ADAMTS2: variants seen among roughly 807,000 people sequenced by gnomAD.
The protein encoded by ADAMTS2 is A disintegrin and metalloproteinase with thrombospondin motifs 2.
In ADAMTS2, 50 loss-of-function variants were observed where a neutral mutation model predicts 123.0. The observed-to-expected ratio is 0.41, with a 90% CI of 0.32 to 0.51. ADAMTS2 has a LOEUF of 0.51. Ranked by LOEUF, ADAMTS2 falls within the 20% of genes least tolerant of loss-of-function variation. The pLI, the probability that ADAMTS2 is intolerant of heterozygous loss-of-function variation, is 0.35. For synonymous variants in ADAMTS2, 678 were observed against 695.4 expected (o/e 0.98, Z 0.39); for missense variants, 1,494 against 1,705.2 (o/e 0.88, Z 2.18).
At chr5:179,161,591 T>C (rs1462852413) in intron 5 of ADAMTS2, among the ~76,000 whole-genome samples, 1 of 152,024 alleles carries the variant, frequency 6.6e-6, no homozygotes, top group African/African-American at 2.4e-5. Flanking sequence ...TGCGGCAAGA[T>C]GGGGGAATAA....
intron 4 of ADAMTS2, among the ~76,000 whole-genome samples, chr5:179,199,354 G>T (rs561882440): frequency 1.3e-5 from 2 of 152,292 alleles, no homozygotes; most frequent in East Asian, 1.9e-4. Context: ...CAGGCGTGGT[G>T]GTGGCCATCC....
rs1471484327 is a variant in ADAMTS2 at position 179,128,837 on chromosome 5, TG to T, written c.2458-720del. 7.2e-5 allele frequency among the ~76,000 whole-genome samples: 11 copies of T among 152,230 alleles called. No individual in the cohort carries two copies. The highest frequency in any genetic ancestry group is 2.7e-4 in the African/African-American group (11 of 41,456). On this transcript the variant is annotated intron_variant, in intron 16 of 21. Transcript: ENST00000251582. The surrounding 1 kb of genome is among the most constrained non-coding windows in gnomAD (Gnocchi z 4.9). ...TTCTTCTTAAGACACCACTGCTTCC[TG>T]GGCTTAGGAACACTGGACAGCACTT...
At chr5:179,295,694 C>T (rs1220746869) in intron 2 of ADAMTS2, among the ~76,000 whole-genome samples, 1 of 152,220 alleles carries the variant, frequency 6.6e-6, no homozygotes, top group East Asian at 1.9e-4. Flanking sequence ...CCAGGCTGGT[C>T]CAGAACATTC....
chr5:179,189,826 G>A lies in ADAMTS2; in HGVS notation c.892-8671C>T, dbSNP rs1186500958. Among the ~76,000 whole-genome samples, 2 of 149,376 alleles carry A rather than the reference G, an allele frequency of 1.3e-5. No individual in the cohort carries two copies. The highest frequency in any genetic ancestry group is 1.3e-4 in the Admixed American group (2 of 14,894). On this transcript the variant is annotated intron_variant, in intron 4 of 21. Transcript: ENST00000251582. The surrounding 1 kb of genome is among the most constrained non-coding windows in gnomAD (Gnocchi z 4.2). ...TAAGTATCTTCTTAAGTTGGGGGGA[G>A]AGAATATTACAAAGTATCTTCTCAA...
At chr5:179,148,698 G>A (rs1006664137) in intron 10 of ADAMTS2, among the ~76,000 whole-genome samples, 1 of 152,112 alleles carries the variant, frequency 6.6e-6, no homozygotes, top group Non-Finnish European at 1.5e-5. Flanking sequence ...CCCACCTAGC[G>A]CCCACCTGTG....
chr5:179,209,837 C>T lies in ADAMTS2; in HGVS notation c.689-2122G>A, dbSNP rs116105253. 2.9e-3 allele frequency among the ~76,000 whole-genome samples: 439 copies of T among 152,318 alleles called. 3 individuals carry two copies. The highest frequency in any genetic ancestry group is 0.01 in the African/African-American group (422 of 41,576). ...TCTTTGCATTTCCAACGAACAGAGACAGCTCACCTTCAGAATCACCTTGGG... is the reference window on the plus strand; with the variant it reads ...TCTTTGCATTTCCAACGAACAGAGATAGCTCACCTTCAGAATCACCTTGGG... On this transcript the variant is annotated intron_variant, in intron 3 of 21. Coordinates refer to ENST00000251582, the MANE Select transcript of ADAMTS2 (RefSeq NM_014244.5).
intron 2 of ADAMTS2, among the ~76,000 whole-genome samples, chr5:179,321,656 T>TC (rs1757183923): frequency 9.8e-6 from 1 of 102,130 alleles, no homozygotes; most frequent in Admixed American, 1.5e-4. Flanking sequence ...GGATGTGGAA[T>TC]CCACAGCCCT....
Position 179,123,443 on chromosome 5 carries a change from C to T in ADAMTS2, c.2959-670G>A, listed in dbSNP as rs144275577. On this transcript the variant is annotated intron_variant, in intron 19 of 21. Coordinates refer to ENST00000251582, the MANE Select transcript of ADAMTS2 (RefSeq NM_014244.5). ...GTTTTGTTTCTTTTGTTGTTGGTTT[C>T]GAGACAGGATCTCGCTGTGTGGCCC... Among the ~76,000 whole-genome samples the T allele has an allele frequency of 3.0e-3, 450 of 152,240 alleles. 2 individuals are homozygous for T. The highest frequency in any genetic ancestry group is 9.8e-3 in the African/African-American group (406 of 41,548).
Position 179,338,333 on chromosome 5 carries a change from G to A in ADAMTS2, c.534+5434C>T, listed in dbSNP as rs188141628. ...CTGTGAAATGGGGCCACGGTGGCTG[G>A]CTCACAGGAAAACCGCAGGGACTGG... On this transcript the variant is annotated intron_variant, in intron 2 of 21. Transcript: ENST00000251582. 6.6e-5 allele frequency among the ~76,000 whole-genome samples: 10 copies of A among 152,314 alleles called. No individual in the cohort carries two copies. In the East Asian group the frequency reaches 1.9e-3, roughly 29 times the overall value.
chr5:179,274,918 C>G (rs1346826591), intron 2 of ADAMTS2, among the ~76,000 whole-genome samples: 2 of 152,242 alleles, frequency 1.3e-5, no homozygotes, highest in Admixed American at 6.5e-5. Context: ...TACCCAAACC[C>G]ACCCAATCCC....
At position 179,153,560 on chromosome 5, in the gene ADAMTS2, C is replaced by T. The variant is rs746174239; in HGVS notation, c.1446G>A (p.Pro482=). The T allele has an allele frequency of 3.2e-5, 52 of 1,610,054 alleles. No homozygotes were observed. The highest frequency in any genetic ancestry group is 1.7e-4 in the African/African-American group (13 of 74,914). Residue 482 remains proline (P), a synonymous_variant, in exon 9 of 22, where the codon CCG becomes CCA. Transcript: ENST00000251582. ...GCTCGTTCATGGAGTAGTGCAGTCC[C>T]GGGAGCTGGGGCAGCGCCGGCCAGT... ...AHDWPALPQL[P]GLHYSMNEQC...
rs1310896515 is a variant in ADAMTS2 at position 179,154,066 on chromosome 5, C to T, written c.1365G>A (p.Glu455=). The change falls in exon 8 of 22, where the codon GAG becomes GAA. Residue 455 remains glutamate (E), a synonymous_variant. Transcript: ENST00000251582. ...GTACTCACTGCAGGTAGCGGCTCAG[C>T]TCCTGCTGGCTGCAGCGGGACCAGT... is the stretch of plus-strand genomic sequence containing the variant. ...RFHWSRCSQQ[E]LSRYLHSYDC... 1.2e-6 allele frequency: 2 copies of T among 1,604,046 alleles called. No individual in the cohort carries two copies. Among genetic ancestry groups the T allele is most frequent in the Non-Finnish European group, 1.7e-6 (2 of 1,177,928 alleles).
intron 5 of ADAMTS2, among the ~76,000 whole-genome samples, chr5:179,160,184 C>T (rs954834538): frequency 2.0e-5 from 3 of 152,178 alleles, no homozygotes; most frequent in Non-Finnish European, 4.4e-5. Flanking sequence ...GTTGGCCGTG[C>T]GCGGTGGCTC....
chr5:179,330,656 C>T (rs1455074936), intron 2 of ADAMTS2, among the ~76,000 whole-genome samples: 1 of 152,248 alleles, frequency 6.6e-6, no homozygotes, highest in African/African-American at 2.4e-5. Flanking sequence ...CATTCACTCC[C>T]AGACGGAGCA....
rs1225678633 is a variant in ADAMTS2 at position 179,130,761 on chromosome 5, C to A, written c.2291-663G>T. Reference sequence around the variant, plus strand: ...GATGTGAGTGGGGCCGCAGACAGGGCACTAGTGAGAAAATCATTCCCTGTC... The same window carrying A: ...GATGTGAGTGGGGCCGCAGACAGGGAACTAGTGAGAAAATCATTCCCTGTC... On this transcript the variant is annotated intron_variant, in intron 15 of 21. Transcript: ENST00000251582. The surrounding 1 kb of genome is among the most constrained non-coding windows in gnomAD (Gnocchi z 4.3). Among the ~76,000 whole-genome samples the A allele has an allele frequency of 6.6e-6, 1 of 152,104 alleles. No homozygotes were observed. Among genetic ancestry groups the A allele is most frequent in the African/African-American group, 2.4e-5 (1 of 41,396 alleles).
At chr5:179,140,545 T>A (rs1763146029) in intron 10 of ADAMTS2, among the ~76,000 whole-genome samples, 1 of 152,178 alleles carries the variant, frequency 6.6e-6, no homozygotes, top group Admixed American at 6.5e-5. Context: ...TGATTCCACA[T>A]CTTAATCTGA....
intron 4 of ADAMTS2, among the ~76,000 whole-genome samples, chr5:179,193,228 C>T (rs182747242): frequency 8.5e-5 from 13 of 152,298 alleles, no homozygotes; most frequent in Admixed American, 3.3e-4. Context: ...TTGTCCAGGA[C>T]GGGAGCTGGC....
At chr5:179,324,031 A>C (rs1027018460) in intron 2 of ADAMTS2, among the ~76,000 whole-genome samples, 1 of 152,374 alleles carries the variant, frequency 6.6e-6, no homozygotes, top group African/African-American at 2.4e-5. Flanking sequence ...TGAGTGAAAG[A>C]AGCCAGACAC....
chr5:179,224,332 C>T (rs896385495), intron 3 of ADAMTS2, among the ~76,000 whole-genome samples: 3 of 152,206 alleles, frequency 2.0e-5, no homozygotes, highest in Admixed American at 6.5e-5. Context: ...CGGCCGCAGG[C>T]CTCACACCAC....
Sources: gnomAD v4.1 joint callset for allele counts (sites outside exome capture counted in the v4.1 genomes callset) on GRCh38, gnomAD v4.1.1 for gene constraint, Gnocchi (gnomAD v3.1) non-coding constraint, MANE v1.5 for transcripts, NCBI Gene and HGNC (gene_info 2026-07-23, HGNC 2026-07-21) for gene names.